TAFA1: variants seen among roughly 807,000 people sequenced by gnomAD.
TAFA1 encodes the protein chemokine-like protein TAFA-1.
In TAFA1, 4 loss-of-function variants were observed where a neutral mutation model predicts 18.5. That is an observed-to-expected ratio of 0.22 (90% CI 0.11 to 0.49). The LOEUF is 0.49. Ranked by LOEUF, TAFA1 falls within the 20% of genes least tolerant of loss-of-function variation. The probability of loss-of-function intolerance (pLI) is 0.98; values close to 1 mark genes in which losing one functional copy is unlikely to be tolerated. For synonymous variants in TAFA1, 56 were observed against 55.2 expected, an observed-to-expected ratio of 1.01 and a Z score of -0.06; for missense variants, 147 against 169.0, an observed-to-expected ratio of 0.87 and a Z score of 0.72.
At chr3:68,342,072 G>C (rs1341264925) in intron 2 of TAFA1, among the ~76,000 whole-genome samples, 11 of 152,172 alleles carry the variant, frequency 7.2e-5, no homozygotes, top group Admixed American at 7.2e-4. Flanking sequence ...CTATGAATGG[G>C]TGGAAGGCTT....
intron 2 of TAFA1, among the ~76,000 whole-genome samples, chr3:68,272,954 G>A (rs573892463): frequency 3.3e-4 from 50 of 152,124 alleles, no homozygotes; most frequent in Non-Finnish European, 3.4e-4. Flanking sequence ...TGAACTGAGG[G>A]CCTGGCCTGG....
chr3:68,535,874 T>A (rs2106784065), intron 3 of TAFA1, among the ~76,000 whole-genome samples: 1 of 152,264 alleles, frequency 6.6e-6, no homozygotes, highest in South Asian at 2.1e-4. Context: ...TCTCATTGGT[T>A]TACAGAAATA....
At chr3:68,309,389 A>G (rs550721373) in intron 2 of TAFA1, among the ~76,000 whole-genome samples, 4 of 152,334 alleles carry the variant, frequency 2.6e-5, no homozygotes, top group African/African-American at 9.6e-5. Context: ...AACACCTACA[A>G]TAATCAAGGT....
chr3:68,423,229 C>T (rs915860615), intron 3 of TAFA1, among the ~76,000 whole-genome samples: 2 of 152,022 alleles, frequency 1.3e-5, no homozygotes, highest in African/African-American at 4.8e-5. Flanking sequence ...CTATTATGTG[C>T]TACTGTCCCA....
At chr3:68,165,004 A>C (rs2065967208) in intron 2 of TAFA1, among the ~76,000 whole-genome samples, 1 of 152,224 alleles carries the variant, frequency 6.6e-6, no homozygotes, top group Admixed American at 6.5e-5. Context: ...GTTGTGAATG[A>C]ACAAAGAATA....
intron 2 of TAFA1, among the ~76,000 whole-genome samples, chr3:68,089,724 C>A (rs1169363014): frequency 6.6e-6 from 1 of 152,146 alleles, no homozygotes; most frequent in Non-Finnish European, 1.5e-5. Flanking sequence ...CTAGAAAAGC[C>A]TGTGTAGTTC....
intron 2 of TAFA1, among the ~76,000 whole-genome samples, chr3:68,301,786 T>C (rs1007395729): frequency 6.6e-6 from 1 of 152,204 alleles, no homozygotes. Flanking sequence ...CTGGTGCTTA[T>C]GTGGGAAAGC....
intron 2 of TAFA1, among the ~76,000 whole-genome samples, chr3:68,260,886 A>C (rs556009454): frequency 1.3e-5 from 2 of 152,278 alleles, no homozygotes; most frequent in South Asian, 2.1e-4. Context: ...TAAAACACCA[A>C]AAGCAATGGC....
At position 68,366,401 on chromosome 3, in the gene TAFA1, C is replaced by A. The variant is rs540105132; in HGVS notation, c.119-50879C>A. Reference sequence around the variant, plus strand: ...AGAAAGAACAGAGGGCACAAGGATTCTTGTGTAAAGCAGCAATTCATAGTC... The same window carrying A: ...AGAAAGAACAGAGGGCACAAGGATTATTGTGTAAAGCAGCAATTCATAGTC... On this transcript the variant is annotated intron_variant, in intron 2 of 4. Transcript: ENST00000478136. Among the ~76,000 whole-genome samples the A allele has an allele frequency of 8.5e-5, 13 of 152,302 alleles. No individual in the cohort carries two copies. In the South Asian group the frequency reaches 2.5e-3, roughly 29 times the overall value.
At chr3:68,400,298 TCA>T (rs1243369233) in intron 2 of TAFA1, among the ~76,000 whole-genome samples, 1 of 152,198 alleles carries the variant, frequency 6.6e-6, no homozygotes, top group African/African-American at 2.4e-5. Context: ...TCATCATTAT[TCA>T]CATTTTACAG....
At chr3:68,252,578 C>A (rs2067218651) in intron 2 of TAFA1, among the ~76,000 whole-genome samples, 1 of 152,142 alleles carries the variant, frequency 6.6e-6, no homozygotes, top group Non-Finnish European at 1.5e-5. Flanking sequence ...CATCGTCAGG[C>A]ATCTCTCTTA....
At chr3:68,365,285 T>C (rs955065007) in intron 2 of TAFA1, among the ~76,000 whole-genome samples, 1 of 152,194 alleles carries the variant, frequency 6.6e-6, no homozygotes, top group Non-Finnish European at 1.5e-5. Context: ...CTTGAACATT[T>C]GTCTCTCTGA....
At chr3:68,431,886 A>T (rs932883715) in intron 3 of TAFA1, among the ~76,000 whole-genome samples, 6 of 152,002 alleles carry the variant, frequency 3.9e-5, no homozygotes, top group African/African-American at 1.4e-4. Flanking sequence ...TTAAGGGCTT[A>T]CAACTCTAAG....
At chr3:68,273,681 G>A (rs536585940) in intron 2 of TAFA1, among the ~76,000 whole-genome samples, 2 of 152,264 alleles carry the variant, frequency 1.3e-5, no homozygotes, top group South Asian at 4.1e-4. Context: ...ATAAACAAGA[G>A]AATATAAGAA....
intron 2 of TAFA1, among the ~76,000 whole-genome samples, chr3:68,413,664 A>G (rs751505503): frequency 3.3e-5 from 5 of 152,182 alleles, no homozygotes; most frequent in Non-Finnish European, 7.3e-5. Context: ...ATGTTCTGGA[A>G]GAGTTTGATT....
intron 2 of TAFA1, among the ~76,000 whole-genome samples, chr3:68,011,238 T>C (rs1440017529): frequency 6.6e-6 from 1 of 152,144 alleles, no homozygotes; most frequent in East Asian, 1.9e-4. Flanking sequence ...TTAAATTATA[T>C]AGATAAATTA....
rs540869246 is a variant in TAFA1, at chr3:68,487,806, C to CAAAA, written c.260-50949_260-50946dup. On this transcript the variant is annotated intron_variant, in intron 3 of 4. Coordinates refer to ENST00000478136, the MANE Select transcript of TAFA1 (RefSeq NM_213609.4). ...GTGAGTGTTAAACTGTTCTCTGTAC[C>CAAAA]AAAAGAAAAAAAAAAAAGGTGAAGT... Among the ~76,000 whole-genome samples, 140 of 97,536 alleles carry CAAAA rather than the reference C, an allele frequency of 1.4e-3. 16 individuals are homozygous for CAAAA. In the Middle Eastern group the frequency reaches 0.02, roughly 14 times the overall value. 64.0% of individuals were successfully genotyped at this position (97,536 alleles called of 152,430 possible).
At chr3:68,195,942 T>A (rs936375583) in intron 2 of TAFA1, among the ~76,000 whole-genome samples, 1 of 151,758 alleles carries the variant, frequency 6.6e-6, no homozygotes, top group Non-Finnish European at 1.5e-5. Context: ...CTTGGACCCA[T>A]GTCACTTATA....
At chr3:68,276,961 G>A (rs955554614) in intron 2 of TAFA1, among the ~76,000 whole-genome samples, 9 of 152,000 alleles carry the variant, frequency 5.9e-5, no homozygotes, top group Non-Finnish European at 1.3e-4. Context: ...ATATAGTCAA[G>A]TATACAAGAG....
Sources: gnomAD v4.1 joint callset for allele counts (sites outside exome capture counted in the v4.1 genomes callset) on GRCh38, gnomAD v4.1.1 for gene constraint, MANE v1.5 for transcripts, NCBI Gene and HGNC (gene_info 2026-07-23, HGNC 2026-07-21) for gene names.